Variants in TIAM2 observed in about 807,000 individuals in gnomAD.
TIAM2 encodes the protein rho guanine nucleotide exchange factor TIAM2.
In TIAM2, 80 loss-of-function variants were observed where a neutral mutation model predicts 152.9. The ratio of observed to expected loss-of-function variants is 0.52; its 90% CI spans 0.44 to 0.63. The LOEUF (loss-of-function observed/expected upper bound fraction) is 0.63. Among genes scored for constraint, TIAM2 ranks in the 30% least tolerant of loss-of-function variants. TIAM2 has a pLI of 0.00. For missense variants in TIAM2, 1,965 were observed against 2,120.1 expected (o/e 0.93, Z 1.44); for synonymous variants, 804 against 838.0 (o/e 0.96, Z 0.70).
At chr6:155,153,070 C>T (rs577588347) in intron 7 of TIAM2, among the ~76,000 whole-genome samples, 25 of 152,142 alleles carry the variant, frequency 1.6e-4, no homozygotes, top group Admixed American at 1.5e-3. Context: ...GTAATTATCA[C>T]TTGTGGTCCA....
At chr6:155,244,231 T>C (rs1258166627) in intron 17 of TIAM2, 152 bp downstream of exon 17, 2 of 744,472 alleles carry the variant, frequency 2.7e-6, no homozygotes, top group East Asian at 5.3e-5. Context: ...AGCCTCCTCC[T>C]AAACCACTGC....
At chr6:155,110,459 G>C (rs1048790755) in intron 2 of TIAM2, among the ~76,000 whole-genome samples, 6 of 152,018 alleles carry the variant, frequency 3.9e-5, no homozygotes, top group Admixed American at 1.3e-4. Flanking sequence ...CCATAGCCTA[G>C]TCAAATTCAA....
intron 14 of TIAM2, among the ~76,000 whole-genome samples, chr6:155,205,133 G>A (rs964518868): frequency 1.6e-5 from 2 of 121,708 alleles, no homozygotes; most frequent in Non-Finnish European, 3.2e-5. Flanking sequence ...TCCAACATGT[G>A]AATTCTGGGG....
At chr6:155,069,148 G>A (rs1004924789) in intron 1 of TIAM2, among the ~76,000 whole-genome samples, 1 of 152,102 alleles carries the variant, frequency 6.6e-6, no homozygotes, top group Non-Finnish European at 1.5e-5. Flanking sequence ...AGGCTGGAGT[G>A]CAGTGACGCA....
chr6:155,163,155 G>A (rs1350500693), intron 7 of TIAM2, among the ~76,000 whole-genome samples: 1 of 152,086 alleles, frequency 6.6e-6, no homozygotes, highest in Non-Finnish European at 1.5e-5. Flanking sequence ...GATCTGTCTG[G>A]GTGCTCAGCA....
Position 155,251,041 on chromosome 6 carries a change from G to T in TIAM2, c.4060+20G>T. 1 of 1,602,374 alleles carries T rather than the reference G, an allele frequency of 6.2e-7. No individual in the cohort carries two copies. ...TATTTGGTTAGTATTCCATTCAGAA[G>T]AATGCAGACTGAACAGAGGCTGGGA... On this transcript the variant is annotated intron_variant, in intron 22 of 26. Coordinates refer to ENST00000682666, the MANE Select transcript of TIAM2 (RefSeq NM_012454.4).
rs114958830 is a variant in TIAM2, at chr6:155,086,831, G to A, written c.-208-3458G>A. ...GCAAGCCAAGCCACATATTAATCAC[G>A]TTGTATTAGCAATTTGACGAATCAG... On this transcript the variant is annotated intron_variant, in intron 1 of 26. Coordinates refer to ENST00000682666, the MANE Select transcript of TIAM2 (RefSeq NM_012454.4). 9.1e-3 allele frequency among the ~76,000 whole-genome samples: 1,385 copies of A among 152,084 alleles called. 17 individuals carry two copies. Among genetic ancestry groups the A allele is most frequent in the African/African-American group, 0.031 (1,280 of 41,486 alleles).
rs1033359140 is a variant in TIAM2 at position 155,171,561 on chromosome 6, AAC to A, written c.2362-5254_2362-5253del. The stretch of plus-strand genomic sequence containing the variant: ...GTCATGAGCTGTAAACTGAAAAAAA[AAC>A]CTAAAAAACCCCAAAAAACCCCAAA... On this transcript the variant is annotated intron_variant, in intron 9 of 26. Coordinates refer to ENST00000682666, the MANE Select transcript of TIAM2 (RefSeq NM_012454.4). Among the ~76,000 whole-genome samples the A allele has an allele frequency of 2.0e-3, 294 of 150,492 alleles. 1 individual carries two copies. The highest frequency in any genetic ancestry group is 6.8e-3 in the African/African-American group (281 of 41,384).
intron 5 of TIAM2, among the ~76,000 whole-genome samples, chr6:155,140,913 G>A (rs1471049358): frequency 1.3e-5 from 2 of 152,250 alleles, no homozygotes; most frequent in South Asian, 2.1e-4. Context: ...GACCACATTT[G>A]TCCAGAGCCA....
rs112372565 is a variant in TIAM2 at position 155,035,516 on chromosome 6, C to A, written c.-209+40024C>A. On this transcript the variant is annotated intron_variant, in intron 1 of 26. Coordinates refer to ENST00000682666, the MANE Select transcript of TIAM2 (RefSeq NM_012454.4). ...ATTAACAGGCGTGAGACTACCCAGCCTTTTCCTGTTAGTTCACGAGACTCA... is the reference window on the plus strand; with the variant it reads ...ATTAACAGGCGTGAGACTACCCAGCATTTTCCTGTTAGTTCACGAGACTCA... Among the ~76,000 whole-genome samples the A allele has an allele frequency of 1.8e-3, 275 of 152,280 alleles. 2 individuals are homozygous for A. The highest frequency in any genetic ancestry group is 0.01 in the Middle Eastern group (3 of 294).
intron 2 of TIAM2, among the ~76,000 whole-genome samples, chr6:155,109,912 CAT>C (rs1223261274): frequency 2.0e-5 from 3 of 150,214 alleles, no homozygotes; most frequent in Admixed American, 6.7e-5. Flanking sequence ...TATGCATACA[CAT>C]GTGTGCAAAT....
At chr6:155,104,965 T>A (rs1778648256) in intron 2 of TIAM2, among the ~76,000 whole-genome samples, 1 of 152,056 alleles carries the variant, frequency 6.6e-6, no homozygotes, top group South Asian at 2.1e-4. Flanking sequence ...ATGTAGATCC[T>A]TTTTCTTTTG....
At chr6:155,039,640 G>T (rs1328037217) in intron 1 of TIAM2, among the ~76,000 whole-genome samples, 8 of 139,680 alleles carry the variant, frequency 5.7e-5, no homozygotes, top group African/African-American at 1.9e-4. Flanking sequence ...GGGCTGGGGG[G>T]TGGTTGGTGG....
In TIAM2 at chr6:155,215,516, A is replaced by G. The variant is rs116460376; in HGVS notation, c.3168+4209A>G. Among the ~76,000 whole-genome samples, 1,249 of 152,338 alleles carry G rather than the reference A, an allele frequency of 8.2e-3. 18 individuals are homozygous for G. The highest frequency in any genetic ancestry group is 0.029 in the African/African-American group (1,187 of 41,566). On this transcript the variant is annotated intron_variant, in intron 15 of 26. Coordinates refer to ENST00000682666, the MANE Select transcript of TIAM2 (RefSeq NM_012454.4). Reference sequence around the variant, plus strand: ...TTTTAAGATATGAAGATTTCCATGTATAATGATAGATTTCAGTGCATTTTT... The same window carrying G: ...TTTTAAGATATGAAGATTTCCATGTGTAATGATAGATTTCAGTGCATTTTT...
At chr6:155,122,548 A>G (rs1367142227) in intron 2 of TIAM2, among the ~76,000 whole-genome samples, 1 of 151,756 alleles carries the variant, frequency 6.6e-6, no homozygotes, top group Non-Finnish European at 1.5e-5. Flanking sequence ...TTCTAGGTCC[A>G]TGTCATTGTG....
intron 1 of TIAM2, among the ~76,000 whole-genome samples, chr6:155,070,811 C>G (rs1410847146): frequency 6.6e-6 from 1 of 152,068 alleles, no homozygotes; most frequent in African/African-American, 2.4e-5. Flanking sequence ...CCAAAGAGCT[C>G]CTTTATTTAT....
intron 1 of TIAM2, among the ~76,000 whole-genome samples, chr6:155,019,148 C>A (rs1189585719): frequency 2.6e-5 from 4 of 151,762 alleles, no homozygotes; most frequent in Non-Finnish European, 5.9e-5. Flanking sequence ...CCAGCCTGGC[C>A]AATGCGGTGA....
chr6:155,193,795 A>G (rs1781266666), intron 14 of TIAM2, among the ~76,000 whole-genome samples: 4 of 152,202 alleles, frequency 2.6e-5, no homozygotes, highest in Admixed American at 1.3e-4. Flanking sequence ...GCATTTTTAA[A>G]TGTAAGAGTG....
chr6:155,068,735 G>A (rs540762304), intron 1 of TIAM2, among the ~76,000 whole-genome samples: 1 of 152,154 alleles, frequency 6.6e-6, no homozygotes, highest in East Asian at 1.9e-4. Flanking sequence ...GGTAGTTTTG[G>A]TTTTAAATAA....
Sources: gnomAD v4.1 joint callset for allele counts (sites outside exome capture counted in the v4.1 genomes callset) on GRCh38, gnomAD v4.1.1 for gene constraint, MANE v1.5 for transcripts, NCBI Gene and HGNC (gene_info 2026-07-23, HGNC 2026-07-21) for gene names.